The following UCK2 variants were observed in gnomAD, a reference collection of about 807,000 sequenced individuals.
UCK2 encodes the protein uridine-cytidine kinase 2.
In UCK2, 6 loss-of-function variants were observed where a neutral mutation model predicts 30.8. The observed-to-expected ratio is 0.19, with a 90% CI of 0.11 to 0.38. The LOEUF (loss-of-function observed/expected upper bound fraction) is 0.38, where lower values mean the gene tolerates loss of function less well. Among genes scored for constraint, UCK2 ranks in the 10% least tolerant of loss-of-function variants. The pLI, the probability that UCK2 is intolerant of heterozygous loss-of-function variation, is 1.00. For synonymous variants in UCK2, 125 were observed against 133.6 expected (o/e 0.94, Z 0.45); for missense variants, 210 against 339.8 (o/e 0.62, Z 3.00).
intron 2 of UCK2, chr1:165,891,008 AAAG>A: frequency 2.0e-6 from 1 of 492,670 alleles, no homozygotes; most frequent in African/African-American, 2.0e-5. Context: ...AGGAGAGAAA[AAAG>A]AAATCTATTT....
At chr1:165,846,173 C>T (rs1571268621) in intron 1 of UCK2, among the ~76,000 whole-genome samples, 1 of 151,958 alleles carries the variant, frequency 6.6e-6, no homozygotes, top group African/African-American at 2.4e-5. Context: ...GAGTGTGGCA[C>T]CTGTGGCCTA....
chr1:165,864,794 C>T (rs1655009333), intron 1 of UCK2, among the ~76,000 whole-genome samples: 1 of 151,978 alleles, frequency 6.6e-6, no homozygotes, highest in Non-Finnish European at 1.5e-5. Context: ...ATCCTCCCAC[C>T]TTAGCCTCCT....
At chr1:165,907,386 G>A (rs1394266940) in intron 6 of UCK2, among the ~76,000 whole-genome samples, 1 of 152,112 alleles carries the variant, frequency 6.6e-6, no homozygotes, top group Non-Finnish European at 1.5e-5. Context: ...ACTTTGGCCC[G>A]AGTGCTTCAT....
rs557435208 is a variant in UCK2 at position 165,880,891 on chromosome 1, G to T, written c.100-9313G>T. On this transcript the variant is annotated intron_variant, in intron 1 of 6. Transcript: ENST00000367879. ...CTTTTTGTTTAAGATGATGTAGCAG[G>T]CTGGGCGTGGTGGCTCATGCCTGTA... Among the ~76,000 whole-genome samples the T allele has an allele frequency of 2.0e-5, 3 of 152,072 alleles. No homozygotes were observed. The South Asian group carries it at 6.2e-4, about 32-fold the overall frequency.
intron 3 of UCK2, among the ~76,000 whole-genome samples, chr1:165,894,960 G>C (rs2101883899): frequency 6.6e-6 from 1 of 152,308 alleles, no homozygotes; most frequent in Middle Eastern, 3.4e-3. Flanking sequence ...AGTGAATTTT[G>C]AGCAAGAGGC....
chr1:165,838,454 A>G (rs1364320655), intron 1 of UCK2, among the ~76,000 whole-genome samples: 1 of 152,126 alleles, frequency 6.6e-6, no homozygotes, highest in African/African-American at 2.4e-5. Context: ...CCCTCCTTCA[A>G]GTGTTGCTCA....
chr1:165,888,642 CTTTTTTTT>C lies in UCK2; in HGVS notation c.100-1545_100-1538del, dbSNP rs60874109. On this transcript the variant is annotated intron_variant, in intron 1 of 6. Transcript: ENST00000367879. The stretch of plus-strand genomic sequence containing the variant: ...TCGGTTGACCAGTTTCTTTCTTCTT[CTTTTTTTT>C]TTTTTTTTTTTTTTTTGAGATGGGG... 1.1e-4 allele frequency among the ~76,000 whole-genome samples: 8 copies of C among 71,064 alleles called. No individual in the cohort carries two copies. In the South Asian group the frequency reaches 3.4e-3, roughly 30 times the overall value. The allele number at this position is 71,064 out of a possible 152,430, so 46.6% of individuals were successfully genotyped here.
At chr1:165,905,578 A>G (rs942924343) in intron 5 of UCK2, among the ~76,000 whole-genome samples, 2 of 152,224 alleles carry the variant, frequency 1.3e-5, no homozygotes, top group South Asian at 2.1e-4. Context: ...ATAGTTATCA[A>G]TCGAATTATG....
rs1647767640 is a variant in UCK2 at position 165,909,039 on chromosome 1, A to C, written c.*1216A>C. ...TGGATATGGCAACTGCAGAGCATAA[A>C]AGGGGCTCGGAAAAGCAGTTTTTAC... On this transcript the variant is annotated 3_prime_UTR_variant, in exon 7 of 7. Coordinates refer to ENST00000367879, the MANE Select transcript of UCK2 (RefSeq NM_012474.5). 1 of 152,210 alleles carries C rather than the reference A, an allele frequency of 6.6e-6. No individual in the cohort carries two copies. Among genetic ancestry groups the C allele is most frequent in the African/African-American group, 2.4e-5 (1 of 41,450 alleles). The allele number at this position is 152,210 out of a possible 1,614,324, so 9.4% of individuals were successfully genotyped here.
intron 1 of UCK2, among the ~76,000 whole-genome samples, chr1:165,882,784 AGC>A (rs1322989606): frequency 6.6e-6 from 1 of 152,096 alleles, no homozygotes; most frequent in Non-Finnish European, 1.5e-5. Flanking sequence ...TCAGCATTTC[AGC>A]GTGTGAATTT....
chr1:165,828,557 G>T (rs966542782), intron 1 of UCK2, among the ~76,000 whole-genome samples: 1 of 152,234 alleles, frequency 6.6e-6, no homozygotes, highest in African/African-American at 2.4e-5. Flanking sequence ...AACGATAATA[G>T]TAGGGGCTTC....
chr1:165,876,161 T>TA (rs1655328856), intron 1 of UCK2, among the ~76,000 whole-genome samples: 1 of 152,212 alleles, frequency 6.6e-6, no homozygotes, highest in African/African-American at 2.4e-5. Context: ...TCTTGCTTTT[T>TA]AAAATCTATC....
At chr1:165,828,403 G>C (rs1215472600) in intron 1 of UCK2, among the ~76,000 whole-genome samples, 2 of 152,218 alleles carry the variant, frequency 1.3e-5, no homozygotes, top group Non-Finnish European at 2.9e-5. Context: ...GGGAAGCGCG[G>C]CCGAGAGGGC....
At chr1:165,860,379 C>T (rs1021901263) in intron 1 of UCK2, among the ~76,000 whole-genome samples, 2 of 152,156 alleles carry the variant, frequency 1.3e-5, no homozygotes, top group African/African-American at 4.8e-5. Context: ...GGGACTGTGA[C>T]CTAGGGTTAT....
chr1:165,890,596 A>G (rs1031355300), intron 2 of UCK2, among the ~76,000 whole-genome samples: 1 of 152,114 alleles, frequency 6.6e-6, no homozygotes, highest in African/African-American at 2.4e-5. Context: ...TATCTGAACA[A>G]AGGTGATTTT....
intron 6 of UCK2, among the ~76,000 whole-genome samples, chr1:165,906,718 G>A (rs984443272): frequency 6.6e-6 from 1 of 152,158 alleles, no homozygotes; most frequent in African/African-American, 2.4e-5. Context: ...GAATGTCTCT[G>A]GACTAGGCGT....
intron 3 of UCK2, among the ~76,000 whole-genome samples, chr1:165,892,981 C>T (rs927599092): frequency 7.9e-5 from 12 of 152,174 alleles, no homozygotes; most frequent in South Asian, 2.1e-4. Flanking sequence ...GGGCCATAGG[C>T]GGCAGGGCCA....
intron 1 of UCK2, among the ~76,000 whole-genome samples, chr1:165,835,798 G>C (rs1373771438): frequency 1.3e-5 from 2 of 151,986 alleles, no homozygotes; most frequent in Non-Finnish European, 2.9e-5. Flanking sequence ...TTTTATGCTT[G>C]AAAATATTTT....
chr1:165,852,722 C>T (rs1476240786), intron 1 of UCK2, among the ~76,000 whole-genome samples: 1 of 152,326 alleles, frequency 6.6e-6, no homozygotes, highest in South Asian at 2.1e-4. Context: ...AGCATTTCAT[C>T]TATCCTTCCT....
Sources: gnomAD v4.1 joint callset for allele counts (sites outside exome capture counted in the v4.1 genomes callset) on GRCh38, gnomAD v4.1.1 for gene constraint, MANE v1.5 for transcripts, NCBI Gene and HGNC (gene_info 2026-07-23, HGNC 2026-07-21) for gene names.